The following LNPK variants were observed in gnomAD, a reference collection of about 807,000 sequenced individuals.
LNPK encodes the protein endoplasmic reticulum junction formation protein lunapark.
A neutral mutation model predicts 55.2 loss-of-function variants in LNPK; 29 were observed. The observed-to-expected ratio is 0.53, with a 90% CI of 0.39 to 0.72. The LOEUF is 0.72. Among genes scored for constraint, LNPK ranks in the 30% least tolerant of loss-of-function variants. The pLI is 0.00. For synonymous variants in LNPK, 162 were observed against 168.2 expected (o/e 0.96, Z 0.29); for missense variants, 467 against 494.8 (o/e 0.94, Z 0.53).
intron 9 of LNPK, among the ~76,000 whole-genome samples, chr2:175,944,623 G>C (rs1371846706): frequency 2.0e-5 from 3 of 152,106 alleles, no homozygotes; most frequent in Non-Finnish European, 4.4e-5. Context: ...GGTTTACATG[G>C]AGACTTCATA....
At chr2:175,969,895 C>A (rs948856602) in intron 6 of LNPK, among the ~76,000 whole-genome samples, 1 of 152,098 alleles carries the variant, frequency 6.6e-6, no homozygotes, top group Admixed American at 6.5e-5. Context: ...ACTTAAAGCC[C>A]TTAAAACCAG....
At chr2:175,954,909 AACTCACTAAATATTCT>A (rs1360998462) in intron 8 of LNPK, among the ~76,000 whole-genome samples, 2 of 152,228 alleles carry the variant, frequency 1.3e-5, no homozygotes, top group Non-Finnish European at 2.9e-5. Context: ...AAGAAAAACA[AACTCACTAAATATTCT>A]AATACAAGCT....
Position 175,927,110 on chromosome 2 carries a change from T to A in LNPK, c.*2857A>T, listed in dbSNP as rs1408429696. 6.6e-6 allele frequency: 1 copy of A among 152,136 alleles called. No homozygotes were observed. The highest frequency in any genetic ancestry group is 1.5e-5 in the Non-Finnish European group (1 of 68,046). The allele number at this position is 152,136 out of a possible 1,614,324, so 9.4% of individuals were successfully genotyped here. ...AGGAACACCAACACTTACAGGACGT[T>A]GAGAGCAAGAGGCCAGAGAAATAAG... On this transcript the variant is annotated 3_prime_UTR_variant, in exon 13 of 13. Coordinates refer to ENST00000272748, the MANE Select transcript of LNPK (RefSeq NM_030650.3).
At chr2:175,961,289 T>C (rs1559048884) in intron 8 of LNPK, among the ~76,000 whole-genome samples, 1 of 152,220 alleles carries the variant, frequency 6.6e-6, no homozygotes, top group African/African-American at 2.4e-5. Context: ...TGAACATCGA[T>C]GCGAAAATCC....
intron 12 of LNPK, chr2:175,932,013 A>T: frequency 2.9e-6 from 1 of 349,736 alleles, no homozygotes; most frequent in South Asian, 2.3e-5. Context: ...ATAGTTTAGT[A>T]AGCCTTCTGA....
intron 6 of LNPK, among the ~76,000 whole-genome samples, chr2:175,969,377 A>T (rs1686547490): frequency 6.6e-6 from 1 of 152,204 alleles, no homozygotes. Context: ...AGCTTGACTT[A>T]TCCTTTCACA....
rs577701175 is a variant in LNPK, at chr2:175,982,670, C to T, written c.258-2802G>A. Among the ~76,000 whole-genome samples, 3 of 152,256 alleles carry T rather than the reference C, an allele frequency of 2.0e-5. No homozygotes were observed. In the South Asian group the frequency reaches 6.2e-4, roughly 32 times the overall value. Reference sequence around the variant, plus strand: ...TCTGCCTCCCAAAGCACTGGGATTACAGGCATAAACCATCATGCCTAGCCC... The same window carrying T: ...TCTGCCTCCCAAAGCACTGGGATTATAGGCATAAACCATCATGCCTAGCCC... On this transcript the variant is annotated intron_variant, in intron 4 of 12. Transcript: ENST00000272748.
intron 4 of LNPK, among the ~76,000 whole-genome samples, chr2:175,990,223 C>T (rs1687639935): frequency 6.6e-6 from 1 of 152,182 alleles, no homozygotes; most frequent in African/African-American, 2.4e-5. Context: ...GGGGGCGGAT[C>T]TCATGAACAG....
At chr2:175,964,797 A>G (rs1045368204) in intron 6 of LNPK, among the ~76,000 whole-genome samples, 2 of 152,228 alleles carry the variant, frequency 1.3e-5, no homozygotes, top group Non-Finnish European at 2.9e-5. Flanking sequence ...GCAAGGAAAT[A>G]CCAAATATTG....
At chr2:175,981,720 A>C (rs911605130) in intron 4 of LNPK, among the ~76,000 whole-genome samples, 9 of 152,202 alleles carry the variant, frequency 5.9e-5, no homozygotes, top group African/African-American at 2.2e-4. Flanking sequence ...AAAGATCTGC[A>C]ATGACTTTAT....
chr2:175,962,015 C>G (rs986500507), intron 8 of LNPK, among the ~76,000 whole-genome samples: 5 of 152,116 alleles, frequency 3.3e-5, no homozygotes, highest in African/African-American at 1.2e-4. Context: ...ATGACCTCTT[C>G]AAGGAGAACT....
Position 175,927,879 on chromosome 2 carries a change from C to T in LNPK, c.*2088G>A, listed in dbSNP as rs1684081307. On this transcript the variant is annotated 3_prime_UTR_variant, in exon 13 of 13. Transcript: ENST00000272748. The stretch of plus-strand genomic sequence containing the variant: ...TTAATTTTACTAATCCCCTTTTAAC[C>T]TTCCTCCATATTTCTTTCAAAGATA... 6.6e-6 allele frequency: 1 copy of T among 152,050 alleles called. No homozygotes were observed. Among genetic ancestry groups the T allele is most frequent in the South Asian group, 2.1e-4 (1 of 4,828 alleles). 9.4% of individuals were successfully genotyped at this position (152,050 alleles called of 1,614,324 possible).
chr2:175,979,020 A>T (rs2105680191), intron 5 of LNPK, among the ~76,000 whole-genome samples: 1 of 152,318 alleles, frequency 6.6e-6, no homozygotes, highest in Non-Finnish European at 1.5e-5. Context: ...TCAAACAAAT[A>T]AAATTTTTTT....
chr2:175,982,804 A>G (rs1234380115), intron 4 of LNPK, among the ~76,000 whole-genome samples: 1 of 152,216 alleles, frequency 6.6e-6, no homozygotes, highest in Non-Finnish European at 1.5e-5. Flanking sequence ...ATAATGTATT[A>G]AAATATAGCA....
At chr2:175,951,584 C>CATATATATATATAT (rs56037027) in intron 8 of LNPK, among the ~76,000 whole-genome samples, 1,357 of 90,420 alleles carry the variant, frequency 0.015, 90 homozygotes, top group African/African-American at 0.053. Flanking sequence ...TTCCATCATT[C>CATATATATATATAT]ATATATATAT....
chr2:175,964,413 G>A lies in LNPK; in HGVS notation c.452C>T (p.Pro151Leu), dbSNP rs147972945. 61 of 1,613,026 alleles carry A rather than the reference G, an allele frequency of 3.8e-5. 1 individual carries two copies. Among genetic ancestry groups the A allele is most frequent in the African/African-American group, 2.9e-4 (22 of 74,984 alleles). ...AGTTACAGCTGCTCCAGCAGATGGCGGCTCACACTCCTGTCAATTATAATA... is the reference window on the plus strand; with the variant it reads ...AGTTACAGCTGCTCCAGCAGATGGCAGCTCACACTCCTGTCAATTATAATA... ...PDSKKAKECEPPSAGAAVTAR... is the reference protein window; with the variant it reads ...PDSKKAKECELPSAGAAVTAR... The change falls in exon 8 of 13, where the codon CCG (proline) becomes CTG (leucine). Residue 151 changes from proline to leucine, a missense_variant. Physicochemically the swap from Pro to Leu is moderately conservative, Grantham distance 98. Coordinates refer to ENST00000272748, the MANE Select transcript of LNPK (RefSeq NM_030650.3).
chr2:175,998,346 A>C (rs1460415173), intron 1 of LNPK, among the ~76,000 whole-genome samples: 1 of 151,054 alleles, frequency 6.6e-6, no homozygotes, highest in Admixed American at 6.6e-5. Flanking sequence ...CGGGAGGCTG[A>C]GGCAGAGAAT....
At chr2:175,948,359 G>A (rs1320040703) in intron 8 of LNPK, among the ~76,000 whole-genome samples, 1 of 152,180 alleles carries the variant, frequency 6.6e-6, no homozygotes, top group Non-Finnish European at 1.5e-5. Flanking sequence ...AATTCAGGCT[G>A]CCGCCTGCTT....
chr2:175,942,453 AT>A (rs919768686), intron 9 of LNPK, among the ~76,000 whole-genome samples: 13 of 152,166 alleles, frequency 8.5e-5, no homozygotes, highest in African/African-American at 3.1e-4. Flanking sequence ...ACAAGTATCA[AT>A]ACACATAAGA....
Sources: gnomAD v4.1 joint callset for allele counts (sites outside exome capture counted in the v4.1 genomes callset) on GRCh38, gnomAD v4.1.1 for gene constraint, MANE v1.5 for transcripts, NCBI Gene and HGNC (gene_info 2026-07-23, HGNC 2026-07-21) for gene names.